GNG7: variants seen among roughly 807,000 people sequenced by gnomAD.
GNG7 encodes the protein G protein subunit gamma 7.
A neutral mutation model predicts 4.0 loss-of-function variants in GNG7; 1 was observed. The ratio of observed to expected loss-of-function variants is 0.25; its 90% confidence interval spans 0.09 to 1.18. The LOEUF (loss-of-function observed/expected upper bound fraction) is 1.18, where lower values mean the gene tolerates loss of function less well. Ranked by LOEUF, GNG7 falls within the 50% of genes most tolerant of loss-of-function variation. The pLI is 0.50. For synonymous variants in GNG7, 34 were observed against 36.9 expected (o/e 0.92, Z 0.29); for missense variants, 86 against 91.9 (o/e 0.94, Z 0.26).
intron 1 of GNG7, among the ~76,000 whole-genome samples, chr19:2,687,389 G>A (rs557860968): frequency 2.1e-4 from 32 of 152,190 alleles, no homozygotes; most frequent in African/African-American, 7.7e-4. Context: ...GGCCGAGGCG[G>A]GTGGATCACC....
At chr19:2,673,282 A>AAAAAAAAAAAAAAAAC (rs1983510743) in intron 1 of GNG7, among the ~76,000 whole-genome samples, 1 of 149,444 alleles carries the variant, frequency 6.7e-6, no homozygotes, top group Non-Finnish European at 1.5e-5. Flanking sequence ...ACAAAACAAA[A>AAAAAAAAAAAAAAAAC]CAAAACAAAA....
chr19:2,675,535 C>T (rs1241059270), intron 1 of GNG7, among the ~76,000 whole-genome samples: 5 of 152,150 alleles, frequency 3.3e-5, no homozygotes, highest in East Asian at 1.9e-4. Flanking sequence ...TATCAGATGT[C>T]GCGGCCCCTC....
intron 2 of GNG7, among the ~76,000 whole-genome samples, chr19:2,639,771 GGGGAAGA>G (rs1451359004): frequency 5.3e-4 from 3 of 5,612 alleles, no homozygotes; most frequent in Non-Finnish European, 1.1e-3. Flanking sequence ...AGGGGGGAAG[GGGGAAGA>G]AGGGAGGGAA....
intron 1 of GNG7, among the ~76,000 whole-genome samples, chr19:2,680,693 A>G (rs894229209): frequency 6.7e-6 from 1 of 150,352 alleles, no homozygotes; most frequent in Non-Finnish European, 1.5e-5. Flanking sequence ...CTCCTGCCTC[A>G]GCCTCCTAAG....
intron 2 of GNG7, among the ~76,000 whole-genome samples, chr19:2,637,184 T>C (rs1468563162): frequency 2.0e-5 from 3 of 149,088 alleles, no homozygotes; most frequent in African/African-American, 7.5e-5. Flanking sequence ...CCTCTGCAAA[T>C]CGAGCTTCAG....
In GNG7 at chr19:2,682,473, G is replaced by A. The variant is rs867392597; in HGVS notation, c.-135+20173C>T. ...AGGTCAGGAGTTCGAGACCAGCCTG[G>A]CCAACATAGCGAAACCCCGTCTCTA... is the stretch of plus-strand genomic sequence containing the variant. On this transcript the variant is annotated intron_variant, in intron 1 of 4. Coordinates refer to ENST00000382159, the MANE Select transcript of GNG7 (RefSeq NM_052847.3). Among the ~76,000 whole-genome samples, 45 of 150,960 alleles carry A rather than the reference G, an allele frequency of 3.0e-4. 1 individual carries two copies. The Middle Eastern group carries it at 0.014, about 46-fold the overall frequency.
chr19:2,624,014 A>G (rs1406173746), intron 2 of GNG7, among the ~76,000 whole-genome samples: 2 of 152,104 alleles, frequency 1.3e-5, no homozygotes, highest in Non-Finnish European at 2.9e-5. Flanking sequence ...ATGAGCGAAC[A>G]GTACAAGGGA....
chr19:2,698,436 C>T (rs1055486142), intron 1 of GNG7, among the ~76,000 whole-genome samples: 64 of 151,092 alleles, frequency 4.2e-4, no homozygotes, highest in East Asian at 1.9e-4. Flanking sequence ...CAGTGGTGTA[C>T]GCCCATAATC....
At chr19:2,604,101 C>T (rs1981300192) in intron 2 of GNG7, among the ~76,000 whole-genome samples, 1 of 151,976 alleles carries the variant, frequency 6.6e-6, no homozygotes, top group Non-Finnish European at 1.5e-5. Context: ...CCACCCGCCT[C>T]GGCCCCCCAA....
chr19:2,654,144 C>T (rs1982901324), intron 1 of GNG7, among the ~76,000 whole-genome samples: 1 of 151,886 alleles, frequency 6.6e-6, no homozygotes, highest in Non-Finnish European at 1.5e-5. Context: ...ATTTAGGAAG[C>T]CAGGTGGGGG....
Position 2,648,386 on chromosome 19 carries a change from G to A in GNG7, c.-134-2106C>T, listed in dbSNP as rs192231071. 2.4e-3 allele frequency among the ~76,000 whole-genome samples: 365 copies of A among 152,154 alleles called. 2 individuals carry two copies. The highest frequency in any genetic ancestry group is 8.5e-3 in the African/African-American group (351 of 41,478). On this transcript the variant is annotated intron_variant, in intron 1 of 4. Coordinates refer to ENST00000382159, the MANE Select transcript of GNG7 (RefSeq NM_052847.3). ...ACTCCAGCCTGGGCAACAGAGCACG[G>A]CACTGTCTCAAAAACAGACCAACCC...
intron 2 of GNG7, among the ~76,000 whole-genome samples, chr19:2,585,782 C>A (rs1239986101): frequency 3.9e-5 from 6 of 152,126 alleles, no homozygotes; most frequent in Non-Finnish European, 7.4e-5. Context: ...CTCACTGTAA[C>A]CTCCGCCTCC....
intron 2 of GNG7, among the ~76,000 whole-genome samples, chr19:2,644,381 A>AT (rs1555699853): frequency 0.027 from 2,176 of 80,618 alleles, 177 homozygotes; most frequent in Non-Finnish European, 0.033. Context: ...ATATATATAT[A>AT]ATGCTCTATC....
chr19:2,681,332 C>T (rs1234948881), intron 1 of GNG7, among the ~76,000 whole-genome samples: 2 of 151,972 alleles, frequency 1.3e-5, no homozygotes, highest in Non-Finnish European at 2.9e-5. Context: ...TACAGGCGCC[C>T]GCCACCACGC....
intron 2 of GNG7, chr19:2,595,334 G>A (rs939207253): frequency 2.6e-5 from 4 of 151,716 alleles, no homozygotes; most frequent in African/African-American, 9.6e-5. Flanking sequence ...TGCCATGTTG[G>A]TCAGGCCGGT....
chr19:2,677,334 G>A (rs994842760), intron 1 of GNG7, among the ~76,000 whole-genome samples: 1 of 151,762 alleles, frequency 6.6e-6, no homozygotes, highest in South Asian at 2.1e-4. Context: ...GGGGATGCTA[G>A]GTGGTGTCTG....
At chr19:2,519,897 G>T (rs553668623) in intron 4 of GNG7, among the ~76,000 whole-genome samples, 1 of 152,100 alleles carries the variant, frequency 6.6e-6, no homozygotes, top group Non-Finnish European at 1.5e-5. Flanking sequence ...AACTTCAAAC[G>T]GGCCAGGCAT....
At chr19:2,548,174 G>T (rs889308493) in intron 3 of GNG7, among the ~76,000 whole-genome samples, 1 of 145,302 alleles carries the variant, frequency 6.9e-6, no homozygotes, top group Non-Finnish European at 1.5e-5. Context: ...GTTAACAATG[G>T]AAAACAAAAA....
intron 1 of GNG7, among the ~76,000 whole-genome samples, chr19:2,673,276 AACAAAAC>A (rs1983509899): frequency 2.0e-5 from 3 of 149,176 alleles, no homozygotes; most frequent in Admixed American, 6.7e-5. Context: ...AACAAAACAA[AACAAAAC>A]AAAACAAAAA....
Sources: allele counts gnomAD v4.1 joint callset (sites outside exome capture counted in the v4.1 genomes callset), GRCh38; gene constraint gnomAD v4.1.1; transcripts MANE v1.5; gene names NCBI Gene and HGNC (gene_info 2026-07-23, HGNC 2026-07-21).